Variants in MAP9 observed in about 807,000 individuals in gnomAD.
The protein encoded by MAP9 is microtubule associated protein 9, also known as microtubule-associated protein 9.
A neutral mutation model predicts 75.2 loss-of-function variants in MAP9; 80 were observed. The observed-to-expected ratio is 1.06, with a 90% CI of 0.89 to 1.28. The LOEUF is 1.28. MAP9 is among the 50% of genes most tolerant of loss of function. The pLI, the probability that MAP9 is intolerant of heterozygous loss-of-function variation, is 0.00. For missense variants in MAP9, 753 were observed against 719.9 expected (o/e 1.05, Z -0.53); for synonymous variants, 235 against 237.3 (o/e 0.99, Z 0.09).
chr4:155,357,812 G>C (rs1216669234), intron 7 of MAP9, among the ~76,000 whole-genome samples: 1 of 152,114 alleles, frequency 6.6e-6, no homozygotes, highest in Non-Finnish European at 1.5e-5. Context: ...AGTTGGTCAG[G>C]GAAGGCTGTC....
intron 1 of MAP9, among the ~76,000 whole-genome samples, 173 bp from the exon 2 acceptor site, chr4:155,376,087 T>TA (rs1438393900): frequency 1.3e-5 from 2 of 152,174 alleles, no homozygotes; most frequent in African/African-American, 2.4e-5. Flanking sequence ...CAAGCTTGTT[T>TA]AAAAAAATTC....
At chr4:155,358,110 T>C (rs1024127893) in intron 7 of MAP9, among the ~76,000 whole-genome samples, 3 of 152,184 alleles carry the variant, frequency 2.0e-5, no homozygotes, top group Non-Finnish European at 4.4e-5. Context: ...ATATTTCTGT[T>C]TAGAAAAGGT....
intron 10 of MAP9, among the ~76,000 whole-genome samples, 169 bp from the exon 11 acceptor site, chr4:155,353,509 T>C (rs1169664275): frequency 6.6e-6 from 1 of 152,148 alleles, no homozygotes; most frequent in African/African-American, 2.4e-5. Flanking sequence ...ATGGCTTAGA[T>C]AATTTACAAA....
chr4:155,374,208 G>C (rs780835431), intron 3 of MAP9, among the ~76,000 whole-genome samples: 7 of 151,992 alleles, frequency 4.6e-5, no homozygotes, highest in Non-Finnish European at 8.8e-5. Context: ...GCATGGTGGC[G>C]GGCACCTGTA....
intron 4 of MAP9, chr4:155,372,923 G>C (rs1732665291): frequency 2.6e-6 from 1 of 379,710 alleles, no homozygotes; most frequent in South Asian, 5.1e-5. Context: ...CTAGATGCAA[G>C]ACAAAATACA....
At position 155,352,593 on chromosome 4, in the gene MAP9, T is replaced by C; in HGVS notation, c.1821+3A>G. 6.3e-7 allele frequency: 1 copy of C among 1,577,808 alleles called. No individual in the cohort carries two copies. Among genetic ancestry groups the C allele is most frequent in the Non-Finnish European group, 8.6e-7 (1 of 1,162,638 alleles). On this transcript the variant is annotated splice_donor_region_variant and intron_variant, in intron 13 of 13. Coordinates refer to ENST00000311277, the MANE Select transcript of MAP9 (RefSeq NM_001039580.2). ...CGAAAGTGCATTGACAAATAATACC[T>C]ACCAGCCATTTTTCATATTCATTAA...
intron 4 of MAP9, among the ~76,000 whole-genome samples, chr4:155,371,588 T>C (rs1732597306): frequency 6.6e-6 from 1 of 151,950 alleles, no homozygotes; most frequent in Non-Finnish European, 1.5e-5. Context: ...CAATTACCTA[T>C]TTAGGTAATT....
intron 10 of MAP9, 138 bp from the exon 11 acceptor site, chr4:155,353,478 A>G: frequency 2.8e-6 from 2 of 715,090 alleles, no homozygotes. Flanking sequence ...ATTAACTTTC[A>G]AAGTAGGTAA....
rs776464716 is a variant in MAP9, at chr4:155,368,640, A to G, written c.654T>C (p.Asn218=). Residue 218 remains asparagine, a synonymous_variant, in exon 5 of 14, where the codon AAT becomes AAC. Coordinates refer to ENST00000311277, the MANE Select transcript of MAP9 (RefSeq NM_001039580.2). The stretch of plus-strand genomic sequence containing the variant: ...TTTTCTCAGCTTCTAATTGTATGCC[A>G]TTCGGCGTTGGAAGGGAAGAAGGTG... ...HSAPSSLPTP[N]GIQLEAEKKA... 2.3e-5 allele frequency: 37 copies of G among 1,614,214 alleles called. No homozygotes were observed. The highest frequency in any genetic ancestry group is 2.9e-5 in the Non-Finnish European group (34 of 1,180,030).
chr4:155,355,811 A>T lies in MAP9; in HGVS notation c.1195T>A (p.Tyr399Asn). The change falls in exon 9 of 14, where the codon TAT (tyrosine) becomes AAT (asparagine). Residue 399 changes from tyrosine to asparagine, a missense_variant. By Grantham distance (143) the Tyr-to-Asn change is moderately radical. Transcript: ENST00000311277. ...TCCAAGACTTTTAAAGTCCCTAAAT[A>T]GTGAGAAGAGGTAGTTGTCGATGGA... ...RTPSTTTSSH[Y>N]LGTLKVLDQK... 1.9e-6 allele frequency: 3 copies of T among 1,613,838 alleles called. No homozygotes were observed. The highest frequency in any genetic ancestry group is 2.5e-6 in the Non-Finnish European group (3 of 1,179,816).
At position 155,360,418 on chromosome 4, in the gene MAP9, A is replaced by C; in HGVS notation, c.803-3T>G. On this transcript the variant is annotated splice_polypyrimidine_tract_variant and splice_region_variant and intron_variant, in intron 6 of 13. Transcript: ENST00000311277. Reference sequence around the variant, plus strand: ...TTCAGTGATTTCTTCATTTGGATCTATTTTGAGACAGAGTAATAGCATTAA... The same window carrying C: ...TTCAGTGATTTCTTCATTTGGATCTCTTTTGAGACAGAGTAATAGCATTAA... The C allele has an allele frequency of 6.2e-7, 1 of 1,607,702 alleles. No homozygotes were observed. The highest frequency in any genetic ancestry group is 8.5e-7 in the Non-Finnish European group (1 of 1,177,184).
Position 155,373,459 on chromosome 4 carries a change from G to A in MAP9, c.161-3C>T. 1 of 1,450,566 alleles carries A rather than the reference G, an allele frequency of 6.9e-7. No individual in the cohort carries two copies. Among genetic ancestry groups the A allele is most frequent in the Non-Finnish European group, 9.0e-7 (1 of 1,111,016 alleles). The allele number at this position is 1,450,566 out of a possible 1,614,324, so 89.9% of individuals were successfully genotyped here. A position where few individuals can be genotyped will look rare whatever the true frequency, so the allele number is the denominator to read the frequency against. On this transcript the variant is annotated splice_polypyrimidine_tract_variant and splice_region_variant and intron_variant, in intron 3 of 13. Coordinates refer to ENST00000311277, the MANE Select transcript of MAP9 (RefSeq NM_001039580.2). ...GTCAGAAAAATCACCTAAAGAAACT[G>A]AAAAATGGAAAAGAAAAATGTTTTC...
At chr4:155,374,814 G>A (rs1029567948) in intron 3 of MAP9, 123 bp downstream of exon 3, 2 of 473,216 alleles carry the variant, frequency 4.2e-6, no homozygotes, top group South Asian at 7.3e-5. Flanking sequence ...TAAAATTAGT[G>A]AATGCTTAGG....
intron 5 of MAP9, among the ~76,000 whole-genome samples, chr4:155,365,239 C>G (rs951513662): frequency 2.6e-5 from 4 of 151,922 alleles, no homozygotes; most frequent in Admixed American, 6.6e-5. Context: ...CATAAGAAAG[C>G]TGAAGTATTA....
At chr4:155,374,615 T>C (rs1578865474) in intron 3 of MAP9, among the ~76,000 whole-genome samples, 1 of 152,350 alleles carries the variant, frequency 6.6e-6, no homozygotes, top group Middle Eastern at 3.4e-3. Flanking sequence ...CTAGGGTTGA[T>C]CTTAAAGATG....
In MAP9 at chr4:155,355,124, T is replaced by A; in HGVS notation, c.1327A>T (p.Met443Leu). ...LEKKNVYLHEMHRIKRIESEN... is the reference protein window; with the variant it reads ...LEKKNVYLHELHRIKRIESEN... ...CTTTCAATTCTTTTTATTCTGTGCA[T>A]TTCATGTAAATACACATTTTTCTTT... Residue 443 changes from methionine (M) to leucine (L), a missense_variant, in exon 10 of 14, where the codon ATG becomes TTG. Physicochemically the swap from Met to Leu is conservative, Grantham distance 15 (BLOSUM62 2). Coordinates refer to ENST00000311277, the MANE Select transcript of MAP9 (RefSeq NM_001039580.2). The A allele has an allele frequency of 2.1e-6, 3 of 1,411,172 alleles. No homozygotes were observed. The highest frequency in any genetic ancestry group is 2.9e-6 in the Non-Finnish European group (3 of 1,038,510). The allele number at this position is 1,411,172 out of a possible 1,614,324, so 87.4% of individuals were successfully genotyped here.
chr4:155,372,050 A>G (rs1732622787), intron 4 of MAP9, among the ~76,000 whole-genome samples: 1 of 152,182 alleles, frequency 6.6e-6, no homozygotes, highest in African/African-American at 2.4e-5. Flanking sequence ...CCTCATCATG[A>G]GGATACTGAA....
chr4:155,368,405 C>T, intron 5 of MAP9, 181 bp downstream of exon 5: 1 of 625,146 alleles, frequency 1.6e-6, no homozygotes, highest in Non-Finnish European at 2.9e-6. Flanking sequence ...ACAATTGATG[C>T]AGTTTTAGAC....
At position 155,375,871 on chromosome 4, in the gene MAP9, C is replaced by T. The variant is rs376356062; in HGVS notation, c.-21G>A. On this transcript the variant is annotated 5_prime_UTR_variant, in exon 2 of 14. Coordinates refer to ENST00000311277, the MANE Select transcript of MAP9 (RefSeq NM_001039580.2). ...GACATAGTGTATTTTTTCTCGTTAC[C>T]TTTATAAAATAGCTAATTATTAGAA... 26 of 1,543,116 alleles carry T rather than the reference C, an allele frequency of 1.7e-5. No individual in the cohort carries two copies. Among genetic ancestry groups the T allele is most frequent in the Non-Finnish European group, 2.3e-5 (26 of 1,121,978 alleles).
Sources: allele counts gnomAD v4.1 joint callset (sites outside exome capture counted in the v4.1 genomes callset), GRCh38; gene constraint gnomAD v4.1.1; transcripts MANE v1.5; gene names NCBI Gene and HGNC (gene_info 2026-07-23, HGNC 2026-07-21).